Variants in TELO2 observed in about 807,000 individuals in gnomAD.
TELO2 encodes telomere length regulation protein TEL2 homolog.
Under a neutral mutation model 91.0 loss-of-function variants are expected in TELO2, and 71 were observed. The ratio of observed to expected loss-of-function variants is 0.78; its 90% CI spans 0.64 to 0.95. The LOEUF (loss-of-function observed/expected upper bound fraction) is 0.95, where lower values mean the gene tolerates loss of function less well. Among genes scored for constraint, TELO2 ranks in the 40% least tolerant of loss-of-function variants. The pLI, the probability that TELO2 is intolerant of heterozygous loss-of-function variation, is 0.00. For missense variants in TELO2, 1,183 were observed against 1,141.3 expected (o/e 1.04, Z -0.53); for synonymous variants, 584 against 518.9 (o/e 1.13, Z -1.71).
rs1357418053 is a variant in TELO2, at chr16:1,505,108, C to T, written c.1843-302C>T. Reference sequence around the variant, plus strand: ...TTGCTTTTGCTGTGAGGCCGACTTCCTGGGATAAGGGCATGTGGCTCTGGC... The same window carrying T: ...TTGCTTTTGCTGTGAGGCCGACTTCTTGGGATAAGGGCATGTGGCTCTGGC... On this transcript the variant is annotated intron_variant, in intron 15 of 20. Transcript: ENST00000262319. The surrounding 1 kb of genome is among the most constrained non-coding windows in gnomAD (Gnocchi z 4.3). 1 of 339,426 alleles carries T rather than the reference C, an allele frequency of 2.9e-6. No individual in the cohort carries two copies. Among genetic ancestry groups the T allele is most frequent in the Non-Finnish European group, 5.4e-6 (1 of 184,288 alleles). 21.0% of individuals were successfully genotyped at this position (339,426 alleles called of 1,614,324 possible).
Position 1,493,957 on chromosome 16 carries a change from T to C in TELO2, c.-36-289T>C, listed in dbSNP as rs1316794410. 1.3e-5 allele frequency among the ~76,000 whole-genome samples: 2 copies of C among 152,188 alleles called. No homozygotes were observed. The highest frequency in any genetic ancestry group is 2.9e-5 in the Non-Finnish European group (2 of 68,030). On this transcript the variant is annotated intron_variant, in intron 1 of 20. Coordinates refer to ENST00000262319, the MANE Select transcript of TELO2 (RefSeq NM_016111.4). The surrounding 1 kb of genome is among the most constrained non-coding windows in gnomAD (Gnocchi z 4.3). The stretch of plus-strand genomic sequence containing the variant: ...GGAACACTCACCAGCATCTCTAGCC[T>C]CCACCTCCCTCTCGCGCCAGTGGCA...
Position 1,506,943 on chromosome 16 carries a change from G to C in TELO2, c.2127-9G>C. 1 of 1,604,968 alleles carries C rather than the reference G, an allele frequency of 6.2e-7. No homozygotes were observed. Among genetic ancestry groups the C allele is most frequent in the Non-Finnish European group, 8.5e-7 (1 of 1,175,694 alleles). ...CCCGCTGCACCTTGGGCTCCATCCT[G>C]TGCTCTAGGCCTCTGGTGACCTTCG... On this transcript the variant is annotated splice_polypyrimidine_tract_variant and intron_variant, in intron 17 of 20. Transcript: ENST00000262319.
At chr16:1,495,249 G>C (rs914265381) in intron 2 of TELO2, 97 bp from the exon 3 acceptor site, 1 of 1,443,670 alleles carries the variant, frequency 6.9e-7, no homozygotes, top group Non-Finnish European at 9.2e-7. Flanking sequence ...ATGTTGTTGG[G>C]GCTGCCCGTG....
chr16:1,503,431 G>C (rs1596264389), intron 15 of TELO2, among the ~76,000 whole-genome samples: 1 of 152,136 alleles, frequency 6.6e-6, no homozygotes, highest in African/African-American at 2.4e-5. Context: ...GGCGACTGTG[G>C]TCCCAGTTAC....
intron 5 of TELO2, 112 bp from the exon 6 acceptor site, chr16:1,499,119 G>C (rs2039588854): frequency 2.9e-6 from 3 of 1,042,924 alleles, no homozygotes; most frequent in Non-Finnish European, 4.4e-6. Flanking sequence ...TCGTGGCTAG[G>C]AATTGGCAGG....
rs763976769 is a variant in TELO2, at chr16:1,502,400, G to A, written c.1649G>A (p.Arg550Gln). The A allele has an allele frequency of 5.6e-6, 9 of 1,596,296 alleles. No homozygotes were observed. The highest frequency in any genetic ancestry group is 4.0e-5 in the African/African-American group (3 of 74,852). Reference sequence around the variant, plus strand: ...GTCTACAGGAGCCCCACAGCCACTCGGGAGGTGAGTGGGGGGCGGGAGTGG... The same window carrying A: ...GTCTACAGGAGCCCCACAGCCACTCAGGAGGTGAGTGGGGGGCGGGAGTGG... ...GLVYRSPTATREVSVELAKVL... is the reference protein window; with the variant it reads ...GLVYRSPTATQEVSVELAKVL... Residue 550 changes from arginine (R) to glutamine (Q), a missense_variant, in exon 13 of 21, where the codon CGG becomes CAG. Transcript: ENST00000262319.
chr16:1,495,680 C>T (rs961224150), intron 3 of TELO2, 57 bp downstream of exon 3: 9 of 1,524,874 alleles, frequency 5.9e-6, no homozygotes, highest in East Asian at 2.3e-5. Flanking sequence ...TCCTCGTCCC[C>T]TGCCACCCTC....
intron 3 of TELO2, among the ~76,000 whole-genome samples, chr16:1,496,689 C>T (rs772288119): frequency 5.9e-5 from 9 of 152,318 alleles, no homozygotes; most frequent in South Asian, 2.1e-4. Context: ...GTCTCATGCC[C>T]GGCTCAGGGC....
At chr16:1,509,555 G>A (rs1231187009) in intron 20 of TELO2, among the ~76,000 whole-genome samples, 2 of 152,252 alleles carry the variant, frequency 1.3e-5, no homozygotes, top group African/African-American at 2.4e-5. Flanking sequence ...TGGTGTTCCC[G>A]GGTTCCCCGG....
intron 17 of TELO2, 139 bp downstream of exon 17, chr16:1,506,468 C>A (rs2039896749): frequency 6.5e-7 from 1 of 1,533,552 alleles, no homozygotes; most frequent in African/African-American, 1.4e-5. Context: ...TTTTGTAAGC[C>A]TGTGTTAAAT....
intron 11 of TELO2, 64 bp from the exon 12 acceptor site, chr16:1,501,983 T>C (rs2039703952): frequency 5.0e-6 from 8 of 1,602,972 alleles, no homozygotes; most frequent in South Asian, 3.3e-5. Flanking sequence ...AGGGGCTGGC[T>C]CTGCCGTTGG....
chr16:1,507,670 G>A lies in TELO2; in HGVS notation c.2361G>A (p.Leu787=), dbSNP rs1567307401. The change falls in exon 20 of 21, where the codon CTG becomes CTA. Residue 787 remains leucine (L), a synonymous_variant. Transcript: ENST00000262319. ...TCAGCCTGCCTGCTGCGCGCCTGCTGGAGGACCTGATGGACGAGCTGCTGG... is the reference window on the plus strand; with the variant it reads ...TCAGCCTGCCTGCTGCGCGCCTGCTAGAGGACCTGATGGACGAGCTGCTGG... The part of the protein sequence containing the change: ...VLLSLPAARL[L]EDLMDELLEA... 11 of 1,603,926 alleles carry A rather than the reference G, an allele frequency of 6.9e-6. No homozygotes were observed. Among genetic ancestry groups the A allele is most frequent in the East Asian group, 2.2e-5 (1 of 44,860 alleles).
In TELO2 at chr16:1,505,291, C is replaced by A; in HGVS notation, c.1843-119C>A. 1.7e-6 allele frequency: 2 copies of A among 1,211,742 alleles called. No homozygotes were observed. Among genetic ancestry groups the A allele is most frequent in the Non-Finnish European group, 1.1e-6 (1 of 879,414 alleles). The allele number at this position is 1,211,742 out of a possible 1,614,324, so 75.1% of individuals were successfully genotyped here. On this transcript the variant is annotated intron_variant, in intron 15 of 20. Transcript: ENST00000262319. This position sits in a 1 kb window ranked among gnomAD's most constrained non-coding sequence, Gnocchi z 4.3. ...GACTTTTCTCCTTGTTCCCAGAACA[C>A]ACCTTCTCCCAGGCTGGGCGGGCCC...
At position 1,507,672 on chromosome 16, in the gene TELO2, A is replaced by C. The variant is rs1482380891; in HGVS notation, c.2363A>C (p.Glu788Ala). The C allele has an allele frequency of 6.2e-7, 1 of 1,603,900 alleles. No individual in the cohort carries two copies. Among genetic ancestry groups the C allele is most frequent in the Admixed American group, 1.7e-5 (1 of 59,930 alleles). The change falls in exon 20 of 21, where the codon GAG becomes GCG. Residue 788 changes from glutamate (E) to alanine (A), a missense_variant. Physicochemically the swap from Glu to Ala is moderately radical, Grantham distance 107 (BLOSUM62 -1). Coordinates refer to ENST00000262319, the MANE Select transcript of TELO2 (RefSeq NM_016111.4). ...AGCCTGCCTGCTGCGCGCCTGCTGG[A>C]GGACCTGATGGACGAGCTGCTGGAA... ...LLSLPAARLL[E>A]DLMDELLEAR...
intron 20 of TELO2, 128 bp from the exon 21 acceptor site, chr16:1,509,702 C>T (rs1269187104): frequency 3.7e-6 from 3 of 811,638 alleles, no homozygotes; most frequent in African/African-American, 1.7e-5. Flanking sequence ...GGGGTCACTG[C>T]AGACCCGAGC....
chr16:1,506,027 C>T (rs760704127), intron 16 of TELO2, among the ~76,000 whole-genome samples: 21 of 152,252 alleles, frequency 1.4e-4, no homozygotes, highest in African/African-American at 3.6e-4. Context: ...AGTTCGGGAA[C>T]GCCTGGTCTG....
chr16:1,507,505 G>GC (rs1372308251), intron 19 of TELO2, 96 bp from the exon 20 acceptor site: 1 of 1,481,338 alleles, frequency 6.8e-7, no homozygotes, highest in East Asian at 2.4e-5. Context: ...AGTGTGCCAG[G>GC]CAGGGCCGCA....
In TELO2 at chr16:1,507,631, C is replaced by G. The variant is rs775585640; in HGVS notation, c.2322C>G (p.Val774=). The G allele has an allele frequency of 6.3e-7, 1 of 1,597,496 alleles. No homozygotes were observed. The highest frequency in any genetic ancestry group is 1.7e-5 in the Admixed American group (1 of 59,588). ...TGCGCCAGGGGCTGTTGTCGGCCGT[C>G]TCCTCCGTCCTGCTCAGCCTGCCTG... ...AYVRQGLLSA[V]SSVLLSLPAA... is the part of the protein sequence containing the mutation. Residue 774 remains valine (V), a synonymous_variant, in exon 20 of 21, where the codon GTC becomes GTG. Coordinates refer to ENST00000262319, the MANE Select transcript of TELO2 (RefSeq NM_016111.4).
Position 1,497,458 on chromosome 16 carries a change from G to A in TELO2, c.780G>A (p.Pro260=), listed in dbSNP as rs150053866. ...RVCWRLVEQV[P]DRAMEAVLTG... ...GCTGGCGCCTGGTGGAGCAAGTGCC[G>A]GACCGGGCCATGGAGGCTGTGCTGA... Residue 260 remains proline, a synonymous_variant, in exon 5 of 21, where the codon CCG becomes CCA. Coordinates refer to ENST00000262319, the MANE Select transcript of TELO2 (RefSeq NM_016111.4). This position sits in a 1 kb window ranked among gnomAD's most constrained non-coding sequence, Gnocchi z 4.0. 1.0e-5 allele frequency: 16 copies of A among 1,573,230 alleles called. No homozygotes were observed. The highest frequency in any genetic ancestry group is 5.5e-5 in the Admixed American group (3 of 54,120).
Sources: gnomAD v4.1 joint callset for allele counts (sites outside exome capture counted in the v4.1 genomes callset) on GRCh38, gnomAD v4.1.1 for gene constraint, Gnocchi (gnomAD v3.1) non-coding constraint, MANE v1.5 for transcripts, NCBI Gene and HGNC (gene_info 2026-07-23, HGNC 2026-07-21) for gene names.